OPCML: variants seen among roughly 807,000 people sequenced by gnomAD.
The protein encoded by OPCML is opioid-binding protein/cell adhesion molecule.
In OPCML, 13 loss-of-function variants were observed where a neutral mutation model predicts 37.8. The ratio of observed to expected loss-of-function variants is 0.34; its 90% confidence interval spans 0.22 to 0.55. OPCML has a LOEUF of 0.55. Ranked by LOEUF, OPCML falls within the 20% of genes least tolerant of loss-of-function variation. OPCML has a pLI of 0.91. For synonymous variants in OPCML, 176 were observed against 168.8 expected (o/e 1.04, Z -0.33); for missense variants, 341 against 435.6 (o/e 0.78, Z 1.93).
intron 2 of OPCML, among the ~76,000 whole-genome samples, chr11:132,662,256 T>C (rs1942006383): frequency 6.6e-6 from 1 of 152,168 alleles, no homozygotes; most frequent in Non-Finnish European, 1.5e-5. Context: ...ACTGCGGCTC[T>C]GGGGACTCCT....
chr11:133,470,559 C>T (rs1947083266), intron 1 of OPCML, among the ~76,000 whole-genome samples: 1 of 152,182 alleles, frequency 6.6e-6, no homozygotes, highest in Non-Finnish European at 1.5e-5. Context: ...GATGTCCTTT[C>T]TTTCCCTGGT....
intron 1 of OPCML, among the ~76,000 whole-genome samples, chr11:133,288,641 C>T (rs1592169983): frequency 6.6e-6 from 1 of 152,232 alleles, no homozygotes; most frequent in Admixed American, 6.5e-5. Flanking sequence ...ATATGGACAC[C>T]CAGGGTCTAC....
intron 2 of OPCML, among the ~76,000 whole-genome samples, chr11:132,700,353 T>TC (rs147716993): frequency 0.015 from 2,223 of 152,250 alleles, 38 homozygotes; most frequent in South Asian, 0.042. Flanking sequence ...GATCTTTTTT[T>TC]CTAGTACCTA....
chr11:132,779,749 C>CAGTG (rs1301760871), intron 2 of OPCML, among the ~76,000 whole-genome samples: 6 of 152,104 alleles, frequency 3.9e-5, no homozygotes, highest in Admixed American at 6.5e-5. Flanking sequence ...AAATAGGGAG[C>CAGTG]AGTGGCAGAC....
intron 3 of OPCML, among the ~76,000 whole-genome samples, chr11:132,567,537 G>GT (rs2096426614): frequency 6.6e-6 from 1 of 152,160 alleles, no homozygotes; most frequent in East Asian, 1.9e-4. Context: ...ATAGGGAAAT[G>GT]TAAGTAGTCA....
intron 1 of OPCML, among the ~76,000 whole-genome samples, chr11:133,071,561 G>GCT (rs1403984468): frequency 6.6e-6 from 1 of 152,158 alleles, no homozygotes; most frequent in Non-Finnish European, 1.5e-5. Context: ...CAGACACATG[G>GCT]CTCTGTGCTA....
intron 1 of OPCML, among the ~76,000 whole-genome samples, chr11:132,949,139 A>G (rs1945805927): frequency 6.6e-6 from 1 of 152,246 alleles, no homozygotes. Flanking sequence ...TGAAACTGAC[A>G]GGTAGTATCT....
rs939742168 is a variant in OPCML at position 132,420,008 on chromosome 11, C to A, written c.*185G>T. The A allele has an allele frequency of 9.3e-6, 4 of 429,560 alleles. No homozygotes were observed. Among genetic ancestry groups the A allele is most frequent in the Non-Finnish European group, 1.7e-5 (4 of 230,978 alleles). 26.6% of individuals were successfully genotyped at this position (429,560 alleles called of 1,614,324 possible). A position where few individuals can be genotyped will look rare whatever the true frequency, so the allele number is the denominator to read the frequency against. ...GTGGTAGAACCCTGCCCACCCCGCC[C>A]CCAACCCCACTCATTCAAGCTGGAA... On this transcript the variant is annotated 3_prime_UTR_variant, in exon 8 of 8. Transcript: ENST00000524381.
chr11:132,424,664 G>C (rs933820208), intron 7 of OPCML, among the ~76,000 whole-genome samples: 1 of 152,154 alleles, frequency 6.6e-6, no homozygotes, highest in Non-Finnish European at 1.5e-5. Context: ...TGGGTTGCCA[G>C]CTCTGTGATC....
At chr11:133,418,548 C>T (rs1945815804) in intron 1 of OPCML, 1 of 777,766 alleles carries the variant, frequency 1.3e-6, no homozygotes, top group Non-Finnish European at 1.6e-6. Context: ...ACATAGTTGA[C>T]TCTATCTTGC....
intron 1 of OPCML, among the ~76,000 whole-genome samples, chr11:132,973,571 G>T (rs1591865139): frequency 6.6e-6 from 1 of 152,046 alleles, no homozygotes; most frequent in South Asian, 2.1e-4. Context: ...TCCAAGCCTG[G>T]GTGAACTCAG....
intron 1 of OPCML, among the ~76,000 whole-genome samples, chr11:133,052,561 G>C (rs895005653): frequency 2.0e-5 from 3 of 152,170 alleles, no homozygotes; most frequent in Admixed American, 2.0e-4. Context: ...CCCTTATTTT[G>C]TCCATGGCAC....
At chr11:133,219,496 A>G (rs1388017444) in intron 1 of OPCML, among the ~76,000 whole-genome samples, 4 of 152,226 alleles carry the variant, frequency 2.6e-5, no homozygotes, top group Non-Finnish European at 5.9e-5. Flanking sequence ...AGTGGCTACC[A>G]TTTAGCAATG....
intron 1 of OPCML, among the ~76,000 whole-genome samples, chr11:133,273,113 C>A (rs1941898228): frequency 1.3e-5 from 2 of 152,136 alleles, no homozygotes; most frequent in African/African-American, 4.8e-5. Context: ...TAGCAGCCAC[C>A]CACTGAAAGT....
chr11:132,907,919 TCTG>T (rs1465988040), intron 2 of OPCML, among the ~76,000 whole-genome samples: 1 of 152,106 alleles, frequency 6.6e-6, no homozygotes, highest in African/African-American at 2.4e-5. Flanking sequence ...AGCTGGCAAA[TCTG>T]CTGACCCATG....
intron 2 of OPCML, among the ~76,000 whole-genome samples, chr11:132,719,943 G>A (rs909674016): frequency 2.6e-5 from 4 of 152,160 alleles, no homozygotes; most frequent in Admixed American, 6.5e-5. Context: ...GTGCGAAACC[G>A]TTTGGAACTA....
At chr11:132,808,650 T>G (rs1251840522) in intron 2 of OPCML, among the ~76,000 whole-genome samples, 1 of 152,200 alleles carries the variant, frequency 6.6e-6, no homozygotes, top group Non-Finnish European at 1.5e-5. Context: ...ACTGTCGTCT[T>G]TCCTTGCCTT....
In OPCML at chr11:132,470,975, T is replaced by C. The variant is rs546501920; in HGVS notation, c.506-33616A>G. On this transcript the variant is annotated intron_variant, in intron 4 of 7. Transcript: ENST00000524381. The stretch of plus-strand genomic sequence containing the variant: ...TAAGAAGAAAAAGGAGAACCTCAGA[T>C]AGAACTGAAAACAAGTTTCTTGGAG... 4.6e-5 allele frequency among the ~76,000 whole-genome samples: 7 copies of C among 152,296 alleles called. No individual in the cohort carries two copies. The East Asian group carries it at 5.8e-4, about 13-fold the overall frequency.
chr11:133,055,362 C>T (rs1315932546), intron 1 of OPCML, among the ~76,000 whole-genome samples: 2 of 150,416 alleles, frequency 1.3e-5, no homozygotes, highest in Admixed American at 6.6e-5. Context: ...CTGTACAATG[C>T]TGCCTCCATG....
Sources: gnomAD v4.1 joint callset for allele counts (sites outside exome capture counted in the v4.1 genomes callset) on GRCh38, gnomAD v4.1.1 for gene constraint, MANE v1.5 for transcripts, NCBI Gene and HGNC (gene_info 2026-07-23, HGNC 2026-07-21) for gene names.